PRRX2: variants seen among roughly 807,000 people sequenced by gnomAD.
PRRX2 encodes paired related homeobox 2.
PRRX2 carries 11 observed loss-of-function variants against 18.0 expected under a neutral mutation model. The ratio of observed to expected loss-of-function variants is 0.61; its 90% CI spans 0.39 to 1.01. The LOEUF (loss-of-function observed/expected upper bound fraction) is 1.01. Ranked by LOEUF, PRRX2 falls within the 50% of genes least tolerant of loss-of-function variation. The pLI, the probability that PRRX2 is intolerant of heterozygous loss-of-function variation, is 0.01. For missense variants in PRRX2, 387 were observed against 351.0 expected (o/e 1.10, Z -0.82); for synonymous variants, 177 against 154.8 (o/e 1.14, Z -1.06).
chr9:129,708,521 CT>C (rs1414234419), intron 1 of PRRX2, among the ~76,000 whole-genome samples: 1 of 152,126 alleles, frequency 6.6e-6, no homozygotes, highest in Admixed American at 6.5e-5. Flanking sequence ...GGATATTTGT[CT>C]TTTTATTGAG....
rs188932335 is a variant in PRRX2, at chr9:129,694,053, C to T, written c.260-25178C>T. 2.4e-3 allele frequency among the ~76,000 whole-genome samples: 359 copies of T among 152,312 alleles called. 1 individual carries two copies. Among genetic ancestry groups the T allele is most frequent in the African/African-American group, 8.2e-3 (339 of 41,570 alleles). ...CGAAGCTCATCCACCAGAGACCCTC[C>T]GAATCCTCCACAACACAGGGTTCTA... is the stretch of plus-strand genomic sequence containing the variant. On this transcript the variant is annotated intron_variant, in intron 1 of 3. Transcript: ENST00000372469.
intron 1 of PRRX2, among the ~76,000 whole-genome samples, chr9:129,668,798 A>T (rs1033198608): frequency 1.3e-5 from 2 of 148,510 alleles, no homozygotes; most frequent in Non-Finnish European, 3.0e-5. Context: ...AAAAAAAAAA[A>T]GAAAGAAAGA....
rs1226970375 is a variant in PRRX2, at chr9:129,671,472, G to A, written c.259+5346G>A. ...TTCTCTGTGAGCAGAAACTCAACAG[G>A]CTGGAGCCACCACTGTCCCCTCCCA... On this transcript the variant is annotated intron_variant, in intron 1 of 3. Transcript: ENST00000372469. The surrounding 1 kb of genome is among the most constrained non-coding windows in gnomAD (Gnocchi z 4.0). Among the ~76,000 whole-genome samples, 1 of 152,208 alleles carries A rather than the reference G, an allele frequency of 6.6e-6. No individual in the cohort carries two copies. Among genetic ancestry groups the A allele is most frequent in the Non-Finnish European group, 1.5e-5 (1 of 68,044 alleles).
intron 1 of PRRX2, among the ~76,000 whole-genome samples, chr9:129,702,889 A>G (rs1235352006): frequency 6.6e-6 from 1 of 152,200 alleles, no homozygotes; most frequent in Non-Finnish European, 1.5e-5. Flanking sequence ...CAGCTCCCAG[A>G]GCTGTGGCTG....
rs766187907 is a variant in PRRX2, at chr9:129,720,657, G to A, written c.509G>A (p.Arg170His). Reference protein sequence around the residue: ...RRNERAMLASRSASLLKSYSQ... With the variant: ...RRNERAMLASHSASLLKSYSQ... Reference sequence around the variant, plus strand: ...AATGAAAGGGCCATGCTGGCCAGCCGCTCTGCCTCGCTGCTCAAGTCCTAC... The same window carrying A: ...AATGAAAGGGCCATGCTGGCCAGCCACTCTGCCTCGCTGCTCAAGTCCTAC... Residue 170 changes from arginine (R) to histidine (H), a missense_variant, in exon 3 of 4, where the codon CGC (arginine) becomes CAC (histidine). Coordinates refer to ENST00000372469, the MANE Select transcript of PRRX2 (RefSeq NM_016307.4). 6 of 1,613,248 alleles carry A rather than the reference G, an allele frequency of 3.7e-6. No homozygotes were observed. The highest frequency in any genetic ancestry group is 3.3e-5 in the Admixed American group (2 of 59,942).
intron 1 of PRRX2, among the ~76,000 whole-genome samples, chr9:129,690,071 G>A (rs955964392): frequency 3.3e-5 from 5 of 151,928 alleles, no homozygotes; most frequent in Non-Finnish European, 7.4e-5. Flanking sequence ...TATTTTTAAA[G>A]GCTCCACCCT....
At chr9:129,685,370 T>C (rs1461423796) in intron 1 of PRRX2, among the ~76,000 whole-genome samples, 3 of 152,224 alleles carry the variant, frequency 2.0e-5, no homozygotes, top group African/African-American at 7.2e-5. Flanking sequence ...TTCCTTTTTT[T>C]ATTTTTATTT....
In PRRX2 at chr9:129,675,817, C is replaced by T. The variant is rs1277311232; in HGVS notation, c.259+9691C>T. Among the ~76,000 whole-genome samples the T allele has an allele frequency of 2.0e-5, 3 of 152,226 alleles. No homozygotes were observed. The highest frequency in any genetic ancestry group is 4.4e-5 in the Non-Finnish European group (3 of 68,030). On this transcript the variant is annotated intron_variant, in intron 1 of 3. Transcript: ENST00000372469. The surrounding 1 kb of genome is among the most constrained non-coding windows in gnomAD (Gnocchi z 4.4). ...GCGGGCGCGCCTGGCAGGGGCCTCG[C>T]AGCCTCTCTCGCCGCCAGAGCTCTG...
In PRRX2 at chr9:129,671,609, C is replaced by CT. The variant is rs1334448664; in HGVS notation, c.259+5483_259+5484insT. On this transcript the variant is annotated intron_variant, in intron 1 of 3. Coordinates refer to ENST00000372469, the MANE Select transcript of PRRX2 (RefSeq NM_016307.4). This position sits in a 1 kb window ranked among gnomAD's most constrained non-coding sequence, Gnocchi z 4.0. ...AGTGTTGCCATCTGTGGGATAGGAACAAGGGCTGTGGTATCCCTCAAAGGG... is the reference window on the plus strand; with the variant it reads ...AGTGTTGCCATCTGTGGGATAGGAACTAAGGGCTGTGGTATCCCTCAAAGGG... Among the ~76,000 whole-genome samples, 4 of 152,216 alleles carry CT rather than the reference C, an allele frequency of 2.6e-5. No homozygotes were observed. The highest frequency in any genetic ancestry group is 9.7e-5 in the African/African-American group (4 of 41,448).
At position 129,719,374 on chromosome 9, in the gene PRRX2, G is replaced by C; in HGVS notation, c.403G>C (p.Glu135Gln). 2.6e-6 allele frequency: 4 copies of C among 1,563,130 alleles called. No homozygotes were observed. Among genetic ancestry groups the C allele is most frequent in the South Asian group, 1.2e-5 (1 of 85,456 alleles). Reference sequence around the variant, plus strand: ...GCACTACCCCGACGCCTTTGTGCGCGAGGAGCTTGCCCGGCGCGTCAACCT... The same window carrying C: ...GCACTACCCCGACGCCTTTGTGCGCCAGGAGCTTGCCCGGCGCGTCAACCT... ...RTHYPDAFVR[E>Q]ELARRVNLSE... The change falls in exon 2 of 4, where the codon GAG (glutamate) becomes CAG (glutamine). Residue 135 changes from glutamate (E) to glutamine (Q), a missense_variant. Transcript: ENST00000372469.
intron 1 of PRRX2, among the ~76,000 whole-genome samples, chr9:129,714,534 G>T (rs763222274): frequency 6.6e-6 from 1 of 152,178 alleles, no homozygotes; most frequent in Non-Finnish European, 1.5e-5. Context: ...CTGGCTGAGC[G>T]CATCCCATCA....
rs1387726986 is a variant in PRRX2 at position 129,675,458 on chromosome 9, C to G, written c.259+9332C>G. Among the ~76,000 whole-genome samples the G allele has an allele frequency of 6.6e-6, 1 of 152,138 alleles. No homozygotes were observed. On this transcript the variant is annotated intron_variant, in intron 1 of 3. Coordinates refer to ENST00000372469, the MANE Select transcript of PRRX2 (RefSeq NM_016307.4). This position sits in a 1 kb window ranked among gnomAD's most constrained non-coding sequence, Gnocchi z 4.4. Reference sequence around the variant, plus strand: ...AAGCACCCCTGCTGAGCTGGAGCCACTGGACAAGCCCCCTCCTGGCATCCT... The same window carrying G: ...AAGCACCCCTGCTGAGCTGGAGCCAGTGGACAAGCCCCCTCCTGGCATCCT...
intron 1 of PRRX2, among the ~76,000 whole-genome samples, chr9:129,680,725 C>G (rs1832217150): frequency 6.6e-6 from 1 of 152,042 alleles, no homozygotes; most frequent in South Asian, 2.1e-4. Flanking sequence ...GGACCCAGAT[C>G]CCTCTCCCCT....
intron 1 of PRRX2, among the ~76,000 whole-genome samples, chr9:129,694,914 G>A (rs989049458): frequency 1.6e-4 from 24 of 152,140 alleles, no homozygotes; most frequent in Non-Finnish European, 3.4e-4. Context: ...CTTCTGGCCT[G>A]GGGGATTCAG....
intron 1 of PRRX2, among the ~76,000 whole-genome samples, chr9:129,697,498 G>A (rs1832441705): frequency 6.6e-6 from 1 of 151,176 alleles, no homozygotes; most frequent in Non-Finnish European, 1.5e-5. Context: ...AACCAGATGT[G>A]CCGCGGCGCC....
Position 129,720,616 on chromosome 9 carries a change from C to G in PRRX2, c.468C>G (p.Arg156=), listed in dbSNP as rs538411699. Residue 156 remains arginine (R), a synonymous_variant, in exon 3 of 4, where the codon CGC becomes CGG. Transcript: ENST00000372469. ...CACAGGTCTGGTTTCAGAACCGCCG[C>G]GCCAAGTTCCGCAGGAATGAAAGGG... ...ARVQVWFQNR[R]AKFRRNERAM... is the part of the protein sequence containing the mutation. 6.2e-7 allele frequency: 1 copy of G among 1,611,282 alleles called. No homozygotes were observed. Among genetic ancestry groups the G allele is most frequent in the East Asian group, 2.2e-5 (1 of 44,790 alleles).
In PRRX2 at chr9:129,671,641, G is replaced by A. The variant is rs563677578; in HGVS notation, c.259+5515G>A. 3.4e-4 allele frequency among the ~76,000 whole-genome samples: 52 copies of A among 152,312 alleles called. No homozygotes were observed. The highest frequency in any genetic ancestry group is 3.3e-3 in the South Asian group (16 of 4,826). ...TGTGGTATCCCTCAAAGGGCGTGTC[G>A]AGCCCTGAGTGGGTGAGGGTTCTGG... On this transcript the variant is annotated intron_variant, in intron 1 of 3. Coordinates refer to ENST00000372469, the MANE Select transcript of PRRX2 (RefSeq NM_016307.4). This position sits in a 1 kb window ranked among gnomAD's most constrained non-coding sequence, Gnocchi z 4.0.
At chr9:129,678,018 C>T (rs984540708) in intron 1 of PRRX2, among the ~76,000 whole-genome samples, 4 of 136,112 alleles carry the variant, frequency 2.9e-5, no homozygotes, top group Admixed American at 1.6e-4. Flanking sequence ...GGCTGGAGTG[C>T]AGTGGCGCAA....
At position 129,665,805 on chromosome 9, in the gene PRRX2, C is replaced by G; in HGVS notation, c.-63C>G. On this transcript the variant is annotated 5_prime_UTR_variant, in exon 1 of 4. Coordinates refer to ENST00000372469, the MANE Select transcript of PRRX2 (RefSeq NM_016307.4). This position sits in a 1 kb window ranked among gnomAD's most constrained non-coding sequence, Gnocchi z 5.3. ...CGGGGCTCTCGCTCCGACCCGCGCC[C>G]GCGACCCTTCCTGGGACCCGAGCCC... is the stretch of plus-strand genomic sequence containing the variant. 2.0e-6 allele frequency: 2 copies of G among 1,010,278 alleles called. No homozygotes were observed. Among genetic ancestry groups the G allele is most frequent in the Non-Finnish European group, 2.4e-6 (2 of 845,980 alleles). The allele number at this position is 1,010,278 out of a possible 1,614,324, so 62.6% of individuals were successfully genotyped here.
Sources: allele counts gnomAD v4.1 joint callset (sites outside exome capture counted in the v4.1 genomes callset), GRCh38; gene constraint gnomAD v4.1.1; non-coding constraint Gnocchi (gnomAD v3.1); transcripts MANE v1.5; gene names NCBI Gene and HGNC (gene_info 2026-07-23, HGNC 2026-07-21).